The following NUP210L variants were observed in gnomAD, a reference collection of about 807,000 sequenced individuals.
The protein encoded by NUP210L is nuclear pore membrane glycoprotein 210-like.
NUP210L carries 74 observed loss-of-function variants against 208.5 expected under a neutral mutation model. The ratio of observed to expected loss-of-function variants is 0.35; its 90% CI spans 0.29 to 0.43. NUP210L has a LOEUF of 0.43. Ranked by LOEUF, NUP210L falls within the 20% of genes least tolerant of loss-of-function variation. The probability of loss-of-function intolerance (pLI) is 1.00; values close to 1 mark genes in which losing one functional copy is unlikely to be tolerated. For missense variants in NUP210L, 1,843 were observed against 2,289.4 expected (o/e 0.81, Z 3.98); for synonymous variants, 780 against 816.9 (o/e 0.95, Z 0.77).
chr1:154,087,525 C>A (rs1655689631), intron 16 of NUP210L, among the ~76,000 whole-genome samples: 1 of 152,118 alleles, frequency 6.6e-6, no homozygotes, highest in South Asian at 2.1e-4. Context: ...TTGGAAACAG[C>A]TGGAAGTTCT....
At chr1:154,085,734 A>T (rs542264902) in intron 16 of NUP210L, among the ~76,000 whole-genome samples, 1 of 152,332 alleles carries the variant, frequency 6.6e-6, no homozygotes, top group Admixed American at 6.5e-5. Context: ...CTACAAAACT[A>T]CAGTGATCAA....
At chr1:153,996,265 C>A (rs1649859807) in intron 37 of NUP210L, among the ~76,000 whole-genome samples, 1 of 152,160 alleles carries the variant, frequency 6.6e-6, no homozygotes, top group South Asian at 2.1e-4. Flanking sequence ...GCACTCCAGC[C>A]TGGGTGACAG....
At chr1:154,046,031 G>A in intron 27 of NUP210L, 38 bp downstream of exon 27, 1 of 1,544,484 alleles carries the variant, frequency 6.5e-7, no homozygotes, top group Non-Finnish European at 8.8e-7. Context: ...TTAATATCAA[G>A]ATCCCTAAGA....
At chr1:154,154,112 C>T (rs1558015043) in intron 1 of NUP210L, among the ~76,000 whole-genome samples, 1 of 152,072 alleles carries the variant, frequency 6.6e-6, no homozygotes, top group East Asian at 1.9e-4. Context: ...GTGTGTACCC[C>T]CTGTCCTCAC....
chr1:154,098,811 A>AAGGTAGGTG (rs1656309607), intron 14 of NUP210L, among the ~76,000 whole-genome samples: 1 of 152,080 alleles, frequency 6.6e-6, no homozygotes. Context: ...GTAGGGCCTC[A>AAGGTAGGTG]CCAGATACTG....
At chr1:154,145,736 A>G (rs1333513602) in intron 2 of NUP210L, among the ~76,000 whole-genome samples, 1 of 152,232 alleles carries the variant, frequency 6.6e-6, no homozygotes, top group Non-Finnish European at 1.5e-5. Flanking sequence ...AATTGAAGAT[A>G]TCAGTATGAG....
At chr1:154,099,317 C>T (rs892772453) in intron 14 of NUP210L, among the ~76,000 whole-genome samples, 7 of 152,140 alleles carry the variant, frequency 4.6e-5, no homozygotes, top group African/African-American at 1.7e-4. Context: ...GGAGCTCCCG[C>T]CCCACCAGCT....
chr1:154,082,222 G>A (rs979446370), intron 16 of NUP210L, among the ~76,000 whole-genome samples: 1 of 152,190 alleles, frequency 6.6e-6, no homozygotes, highest in Admixed American at 6.6e-5. Context: ...AGAGTGGGTA[G>A]CCTGTGAGTC....
At chr1:154,101,937 G>A (rs1227441440) in intron 13 of NUP210L, among the ~76,000 whole-genome samples, 1 of 152,136 alleles carries the variant, frequency 6.6e-6, no homozygotes, top group Non-Finnish European at 1.5e-5. Context: ...ATTACCTGAA[G>A]TCAGGAGTTC....
At chr1:154,030,741 T>G (rs967729342) in intron 27 of NUP210L, among the ~76,000 whole-genome samples, 1 of 150,202 alleles carries the variant, frequency 6.7e-6, no homozygotes, top group South Asian at 2.2e-4. Flanking sequence ...CCTTTTTTGG[T>G]TTTTTTTTGA....
At chr1:154,094,285 AAAC>A (rs937819045) in intron 15 of NUP210L, among the ~76,000 whole-genome samples, 43 of 151,644 alleles carry the variant, frequency 2.8e-4, no homozygotes, top group African/African-American at 9.0e-4. Flanking sequence ...TCCATCTCAA[AAAC>A]AACAACAACA....
chr1:154,106,946 C>T (rs1656792382), intron 12 of NUP210L, among the ~76,000 whole-genome samples: 1 of 152,256 alleles, frequency 6.6e-6, no homozygotes, highest in South Asian at 2.1e-4. Context: ...ACAATTAATA[C>T]CTAACTTTTC....
chr1:154,025,053 T>C (rs1431348834), intron 30 of NUP210L, among the ~76,000 whole-genome samples: 1 of 148,810 alleles, frequency 6.7e-6, no homozygotes, highest in East Asian at 2.0e-4. Flanking sequence ...CTCAGCCTCC[T>C]GAGTAGCTGG....
At chr1:154,068,949 C>T (rs1448021615) in intron 17 of NUP210L, among the ~76,000 whole-genome samples, 3 of 151,942 alleles carry the variant, frequency 2.0e-5, no homozygotes, top group Non-Finnish European at 2.9e-5. Flanking sequence ...ACATTGTGCA[C>T]ATGTACCCTA....
intron 21 of NUP210L, 42 bp downstream of exon 21, chr1:154,058,523 T>C (rs1361514433): frequency 6.2e-7 from 1 of 1,601,038 alleles, no homozygotes; most frequent in Non-Finnish European, 8.5e-7. Flanking sequence ...GTAGTGAGAA[T>C]AAGTCTTGCT....
At chr1:154,029,426 A>C (rs1652091561) in intron 28 of NUP210L, among the ~76,000 whole-genome samples, 2 of 147,690 alleles carry the variant, frequency 1.4e-5, no homozygotes, top group South Asian at 4.3e-4. Context: ...AAAACAGGCC[A>C]GGCACAGTGG....
At chr1:154,081,881 G>A (rs1272378467) in intron 16 of NUP210L, among the ~76,000 whole-genome samples, 1 of 152,072 alleles carries the variant, frequency 6.6e-6, no homozygotes, top group Non-Finnish European at 1.5e-5. Context: ...TCCTCTAGAG[G>A]CTGAGGTGGG....
intron 12 of NUP210L, among the ~76,000 whole-genome samples, chr1:154,114,945 T>A: frequency 6.6e-6 from 1 of 152,128 alleles, no homozygotes; most frequent in East Asian, 1.9e-4. Context: ...AACCTCCACA[T>A]CATCTCTGTG....
chr1:154,040,372 CA>C (rs955118869), intron 27 of NUP210L, among the ~76,000 whole-genome samples: 30 of 122,164 alleles, frequency 2.5e-4, no homozygotes, highest in Middle Eastern at 4.2e-3. Context: ...GACCTTGTAT[CA>C]AAAAAAAAAG....
Sources: allele counts gnomAD v4.1 joint callset (sites outside exome capture counted in the v4.1 genomes callset), GRCh38; gene constraint gnomAD v4.1.1; transcripts MANE v1.5; gene names NCBI Gene and HGNC (gene_info 2026-07-23, HGNC 2026-07-21).